The following ADAM12 variants were observed in gnomAD, a reference collection of about 807,000 sequenced individuals.
ADAM12 encodes the protein ADAM metallopeptidase domain 12, also known as disintegrin and metalloproteinase domain-containing protein 12.
Under a neutral mutation model 106.4 loss-of-function variants are expected in ADAM12, and 70 were observed. That is an observed-to-expected ratio of 0.66 (90% CI 0.54 to 0.80). The LOEUF is 0.80. Ranked by LOEUF, ADAM12 falls within the 30% of genes least tolerant of loss-of-function variation. ADAM12 has a pLI of 0.00. For synonymous variants in ADAM12, 420 were observed against 433.5 expected (o/e 0.97, Z 0.39); for missense variants, 1,010 against 1,171.9 (o/e 0.86, Z 2.02).
chr10:126,128,764 C>A (rs1956250490), intron 5 of ADAM12, among the ~76,000 whole-genome samples: 1 of 119,070 alleles, frequency 8.4e-6, no homozygotes. Flanking sequence ...CAAGTGGGCG[C>A]CTGCCCATGT....
At chr10:126,271,858 G>A (rs1590714492) in intron 3 of ADAM12, among the ~76,000 whole-genome samples, 1 of 152,174 alleles carries the variant, frequency 6.6e-6, no homozygotes, top group East Asian at 1.9e-4. Flanking sequence ...ATAAAGTCAA[G>A]ATCCTTATCA....
Position 126,064,376 on chromosome 10 carries a change from A to G in ADAM12, c.1609+430T>C, listed in dbSNP as rs1401188125. Among the ~76,000 whole-genome samples, 3 of 152,168 alleles carry G rather than the reference A, an allele frequency of 2.0e-5. No homozygotes were observed. The highest frequency in any genetic ancestry group is 2.9e-5 in the Non-Finnish European group (2 of 68,022). On this transcript the variant is annotated intron_variant, in intron 14 of 22. Transcript: ENST00000448723. The surrounding 1 kb of genome is among the most constrained non-coding windows in gnomAD (Gnocchi z 4.4). ...TTACTAAAATCTCAGTGGTGGTGGG[A>G]AAGTTCTGTCTGTCTGTCCAACTAC...
chr10:126,114,345 TC>T (rs2133611979), intron 6 of ADAM12, among the ~76,000 whole-genome samples: 1 of 152,318 alleles, frequency 6.6e-6, no homozygotes, highest in African/African-American at 2.4e-5. Context: ...TATTTATTTA[TC>T]CAGAGCTTCA....
chr10:126,228,349 C>A (rs1958241567), intron 3 of ADAM12, among the ~76,000 whole-genome samples: 1 of 152,122 alleles, frequency 6.6e-6, no homozygotes, highest in South Asian at 2.1e-4. Context: ...ATGCATGATT[C>A]CAAGAGATCG....
chr10:126,181,225 C>T (rs550085205), intron 3 of ADAM12, among the ~76,000 whole-genome samples: 1 of 152,198 alleles, frequency 6.6e-6, no homozygotes, highest in South Asian at 2.1e-4. Context: ...GCACATACCA[C>T]CATGCTCAGC....
At chr10:126,052,322 G>A (rs551918178) in intron 14 of ADAM12, among the ~76,000 whole-genome samples, 14 of 152,330 alleles carry the variant, frequency 9.2e-5, no homozygotes, top group South Asian at 6.2e-4. Context: ...GCTAGGACTC[G>A]GAAATACAAG....
In ADAM12 at chr10:126,163,768, G is replaced by A. The variant is rs181960106; in HGVS notation, c.261-8463C>T. Among the ~76,000 whole-genome samples the A allele has an allele frequency of 3.5e-3, 533 of 152,210 alleles. 3 individuals carry two copies. The highest frequency in any genetic ancestry group is 0.012 in the African/African-American group (505 of 41,520). ...ATTCGGCCTTATTTCTTGTTTACTT[G>A]TCTTCCTCCCACACTGGGTTGAGCT... On this transcript the variant is annotated intron_variant, in intron 3 of 22. Coordinates refer to ENST00000448723, the MANE Select transcript of ADAM12 (RefSeq NM_001288973.2).
chr10:126,156,237 C>A (rs201834810), intron 3 of ADAM12, among the ~76,000 whole-genome samples: 2 of 100,410 alleles, frequency 2.0e-5, no homozygotes. Flanking sequence ...AGAGTAGAAA[C>A]AGAGTCCTTC....
chr10:126,212,040 C>T (rs1186029041), intron 3 of ADAM12, among the ~76,000 whole-genome samples: 2 of 152,156 alleles, frequency 1.3e-5, no homozygotes, highest in Non-Finnish European at 2.9e-5. Context: ...TTCATCATTG[C>T]CTGGAAAGGT....
Position 126,053,826 on chromosome 10 carries a change from C to T in ADAM12, c.1610-4157G>A, listed in dbSNP as rs1324518162. 6.6e-6 allele frequency among the ~76,000 whole-genome samples: 1 copy of T among 152,052 alleles called. No homozygotes were observed. The highest frequency in any genetic ancestry group is 6.5e-5 in the Admixed American group (1 of 15,270). On this transcript the variant is annotated intron_variant, in intron 14 of 22. Coordinates refer to ENST00000448723, the MANE Select transcript of ADAM12 (RefSeq NM_001288973.2). The surrounding 1 kb of genome is among the most constrained non-coding windows in gnomAD (Gnocchi z 4.6). The stretch of plus-strand genomic sequence containing the variant: ...GTTCAAGCTATTCTCCTGCCTCAGC[C>T]TCTCATTTAGCTGGAATTACAGGTG...
At chr10:126,118,361 A>C (rs1171195081) in intron 5 of ADAM12, 137 bp from the exon 6 acceptor site, 2 of 671,582 alleles carry the variant, frequency 3.0e-6, no homozygotes, top group Admixed American at 3.0e-5. Context: ...TTGATTGGAA[A>C]GGACGTTTCT....
intron 21 of ADAM12, among the ~76,000 whole-genome samples, chr10:126,025,825 T>C (rs754461966): frequency 1.8e-4 from 28 of 152,110 alleles, no homozygotes; most frequent in Admixed American, 2.6e-4. Context: ...AGATACTCCA[T>C]GAGAAGATCA....
rs146856174 is a variant in ADAM12 at position 126,299,372 on chromosome 10, A to G, written c.187-20384T>C. Among the ~76,000 whole-genome samples the G allele has an allele frequency of 6.2e-3, 943 of 152,272 alleles. 14 individuals carry two copies. Among genetic ancestry groups the G allele is most frequent in the African/African-American group, 0.022 (909 of 41,530 alleles). ...CATTTTTTCAACAAATCTGTTGAGC[A>G]TCTATTATGGGCAAGGCACTATACA... On this transcript the variant is annotated intron_variant, in intron 2 of 22. Transcript: ENST00000448723.
chr10:126,130,486 C>G lies in ADAM12; in HGVS notation c.416+5098G>C, dbSNP rs1182242189. ...GTGGCTGACACCAGACAATGCAGCA[C>G]TTACTCTTCTGACTTTTCCTGAAAT... On this transcript the variant is annotated intron_variant, in intron 5 of 22. Coordinates refer to ENST00000448723, the MANE Select transcript of ADAM12 (RefSeq NM_001288973.2). Among the ~76,000 whole-genome samples the G allele has an allele frequency of 2.6e-5, 4 of 152,316 alleles. No homozygotes were observed. The East Asian group carries it at 7.7e-4, about 29-fold the overall frequency.
At chr10:126,315,432 T>C (rs1853824493) in intron 2 of ADAM12, among the ~76,000 whole-genome samples, 1 of 152,184 alleles carries the variant, frequency 6.6e-6, no homozygotes, top group Admixed American at 6.5e-5. Context: ...CAATCTTTTG[T>C]ATTTGACTTA....
At chr10:126,216,746 C>T (rs530001980) in intron 3 of ADAM12, among the ~76,000 whole-genome samples, 1 of 152,224 alleles carries the variant, frequency 6.6e-6, no homozygotes, top group Non-Finnish European at 1.5e-5. Flanking sequence ...AGGGAGGTGG[C>T]CTCCCTCCCT....
At chr10:126,237,331 TTATTCTATTC>T (rs149796367) in intron 3 of ADAM12, among the ~76,000 whole-genome samples, 29 of 152,224 alleles carry the variant, frequency 1.9e-4, no homozygotes, top group South Asian at 6.2e-4. Context: ...AGGACTTCTA[TTATTCTATTC>T]TATTCTATTC....
At chr10:126,115,887 T>G (rs1393806347) in intron 6 of ADAM12, among the ~76,000 whole-genome samples, 2 of 152,230 alleles carry the variant, frequency 1.3e-5, no homozygotes, top group Admixed American at 1.3e-4. Flanking sequence ...ATATTTGAAA[T>G]TATTTTTCGC....
intron 3 of ADAM12, among the ~76,000 whole-genome samples, chr10:126,208,967 C>A (rs367878684): frequency 6.6e-6 from 1 of 151,016 alleles, no homozygotes; most frequent in East Asian, 1.9e-4. Context: ...TAAGAATGTT[C>A]TCTGAGAATT....
Sources: gnomAD v4.1 joint callset for allele counts (sites outside exome capture counted in the v4.1 genomes callset) on GRCh38, gnomAD v4.1.1 for gene constraint, Gnocchi (gnomAD v3.1) non-coding constraint, MANE v1.5 for transcripts, NCBI Gene and HGNC (gene_info 2026-07-23, HGNC 2026-07-21) for gene names.